LRRC2: variants seen among roughly 807,000 people sequenced by gnomAD.
LRRC2 encodes the protein leucine rich repeat containing 2.
Under a neutral mutation model 40.2 loss-of-function variants are expected in LRRC2, and 27 were observed. That is an observed-to-expected ratio of 0.67 (90% CI 0.49 to 0.93). The LOEUF (loss-of-function observed/expected upper bound fraction) is 0.93. Among genes scored for constraint, LRRC2 ranks in the 40% least tolerant of loss-of-function variants. The probability of loss-of-function intolerance (pLI) is 0.00; values close to 1 mark genes in which losing one functional copy is unlikely to be tolerated. For missense variants in LRRC2, 402 were observed against 439.6 expected, an observed-to-expected ratio of 0.91 and a Z score of 0.76; for synonymous variants, 147 against 158.9, an observed-to-expected ratio of 0.92 and a Z score of 0.56.
chr3:46,561,510 A>G (rs947469266), intron 1 of LRRC2, among the ~76,000 whole-genome samples: 28 of 152,200 alleles, frequency 1.8e-4, no homozygotes, highest in African/African-American at 6.5e-4. Context: ...CTGAGATTGC[A>G]TCAGTGCACT....
intron 6 of LRRC2, among the ~76,000 whole-genome samples, chr3:46,528,915 C>A (rs1202441098): frequency 6.6e-6 from 1 of 151,842 alleles, no homozygotes; most frequent in Non-Finnish European, 1.5e-5. Context: ...AATTCAAGAC[C>A]AGCCTGGGTA....
intron 1 of LRRC2, among the ~76,000 whole-genome samples, chr3:46,565,963 T>C (rs1261796932): frequency 1.3e-5 from 2 of 152,198 alleles, no homozygotes; most frequent in African/African-American, 2.4e-5. Flanking sequence ...ACCATAGTCC[T>C]GGACCTCAGA....
At chr3:46,523,642 C>A (rs1220751200) in intron 7 of LRRC2, among the ~76,000 whole-genome samples, 1 of 152,154 alleles carries the variant, frequency 6.6e-6, no homozygotes. Context: ...CACATATCCA[C>A]TCATCTGTCC....
intron 3 of LRRC2, among the ~76,000 whole-genome samples, chr3:46,544,183 C>A (rs1329331428): frequency 6.7e-6 from 1 of 149,726 alleles, no homozygotes; most frequent in African/African-American, 2.4e-5. Flanking sequence ...CTCAGGAATT[C>A]GAGACCAGCC....
intron 5 of LRRC2, among the ~76,000 whole-genome samples, chr3:46,530,775 G>C (rs1031001106): frequency 6.6e-6 from 1 of 152,114 alleles, no homozygotes; most frequent in Admixed American, 6.5e-5. Context: ...GCACAAGAAA[G>C]ACCTGCTCCC....
At chr3:46,546,346 T>C (rs1049962936) in intron 2 of LRRC2, among the ~76,000 whole-genome samples, 2 of 152,200 alleles carry the variant, frequency 1.3e-5, no homozygotes, top group Admixed American at 6.5e-5. Flanking sequence ...AAGCCTGCCA[T>C]TGGAGTGGTT....
chr3:46,553,555 G>T (rs566956889), intron 1 of LRRC2, among the ~76,000 whole-genome samples: 2 of 152,186 alleles, frequency 1.3e-5, no homozygotes, highest in Admixed American at 6.5e-5. Context: ...GCATAGTGGC[G>T]CATGTCTGTA....
intron 4 of LRRC2, among the ~76,000 whole-genome samples, chr3:46,535,354 G>A (rs950692076): frequency 1.3e-5 from 2 of 152,150 alleles, no homozygotes; most frequent in African/African-American, 4.8e-5. Flanking sequence ...CCTAAGTTAT[G>A]GATGTATTTG....
chr3:46,530,145 C>T, intron 5 of LRRC2, 95 bp from the exon 6 acceptor site: 1 of 1,000,588 alleles, frequency 1.0e-6, no homozygotes, highest in South Asian at 1.5e-5. Flanking sequence ...TCCCCAAAGG[C>T]ATTTCTATGA....
At chr3:46,522,760 A>AACACACACACACACACACAC (rs71098411) in intron 7 of LRRC2, among the ~76,000 whole-genome samples, 44 of 143,430 alleles carry the variant, frequency 3.1e-4, no homozygotes, top group South Asian at 1.6e-3. Context: ...AACTACTGCT[A>AACACACACACACACACACAC]ACACACACAC....
intron 1 of LRRC2, among the ~76,000 whole-genome samples, chr3:46,565,290 T>A (rs143918821): frequency 6.6e-6 from 1 of 152,194 alleles, no homozygotes; most frequent in Non-Finnish European, 1.5e-5. Context: ...GCCTAACCTC[T>A]CTGAGCCTGA....
At chr3:46,551,966 A>C (rs1337577768) in intron 1 of LRRC2, among the ~76,000 whole-genome samples, 2 of 151,908 alleles carry the variant, frequency 1.3e-5, no homozygotes, top group East Asian at 3.9e-4. Context: ...ACACCCAACT[A>C]ATTTTTTAAT....
intron 4 of LRRC2, among the ~76,000 whole-genome samples, chr3:46,535,619 C>T (rs1038812000): frequency 1.3e-5 from 2 of 152,108 alleles, no homozygotes; most frequent in African/African-American, 4.8e-5. Context: ...GCTCAAGTTA[C>T]TCAAAGTTAG....
chr3:46,554,641 TAAAA>T (rs34382739), intron 1 of LRRC2, among the ~76,000 whole-genome samples: 1 of 137,346 alleles, frequency 7.3e-6, no homozygotes, highest in Non-Finnish European at 1.6e-5. Flanking sequence ...GACTCTGTCT[TAAAA>T]AAAAAAAAAA....
rs145699452 is a variant in LRRC2, at chr3:46,546,417, G to A, written c.126-1164C>T. 6.5e-3 allele frequency among the ~76,000 whole-genome samples: 985 copies of A among 152,276 alleles called. 12 individuals are homozygous for A. The highest frequency in any genetic ancestry group is 0.022 in the African/African-American group (910 of 41,532). ...GACCAGCTTCTAGGACTGGGCATGC[G>A]GGAAGTCCCAGTCTGGACCACCAGG... On this transcript the variant is annotated intron_variant, in intron 2 of 8. Transcript: ENST00000395905.
At position 46,545,750 on chromosome 3, in the gene LRRC2, C is replaced by A. The variant is rs1316223038; in HGVS notation, c.126-497G>T. ...GCATCCCCACCAAACCTCACCACCC[C>A]ACGTGTCGCTAATTTTCTGACCTAT... On this transcript the variant is annotated intron_variant, in intron 2 of 8. Coordinates refer to ENST00000395905, the MANE Select transcript of LRRC2 (RefSeq NM_024512.5). 2.6e-5 allele frequency among the ~76,000 whole-genome samples: 4 copies of A among 152,172 alleles called. No individual in the cohort carries two copies. The South Asian group carries it at 6.2e-4, about 24-fold the overall frequency.
chr3:46,529,604 T>C (rs1704122918), intron 6 of LRRC2, among the ~76,000 whole-genome samples: 1 of 152,202 alleles, frequency 6.6e-6, no homozygotes, highest in East Asian at 1.9e-4. Context: ...ATAAATTAAC[T>C]TTTCCACTTC....
chr3:46,538,038 A>G (rs1704304417), intron 4 of LRRC2, among the ~76,000 whole-genome samples: 1 of 152,222 alleles, frequency 6.6e-6, no homozygotes, highest in South Asian at 2.1e-4. Flanking sequence ...TGCATCCCCA[A>G]GATCGGCCTG....
chr3:46,545,027 G>A lies in LRRC2; in HGVS notation c.333+19C>T, dbSNP rs142686903. 2,106 of 1,610,006 alleles carry A rather than the reference G, an allele frequency of 1.3e-3. 30 individuals carry two copies. In the African/African-American group the frequency reaches 0.023, roughly 18 times the overall value. On this transcript the variant is annotated intron_variant, in intron 3 of 8. Coordinates refer to ENST00000395905, the MANE Select transcript of LRRC2 (RefSeq NM_024512.5). ...CATCGACCACAGCACTGCATTGGGC[G>A]AGAACTGCCTCGACTCACCGTCCAG...
Sources: allele counts gnomAD v4.1 joint callset (sites outside exome capture counted in the v4.1 genomes callset), GRCh38; gene constraint gnomAD v4.1.1; transcripts MANE v1.5; gene names NCBI Gene and HGNC (gene_info 2026-07-23, HGNC 2026-07-21).